The following MYT1L variants were observed in gnomAD, a reference collection of about 807,000 sequenced individuals.
MYT1L encodes the protein myelin transcription factor 1 like, also known as myelin transcription factor 1-like protein.
Under a neutral mutation model 126.7 loss-of-function variants are expected in MYT1L, and 12 were observed. The observed-to-expected ratio is 0.09, with a 90% CI of 0.06 to 0.15. The LOEUF (loss-of-function observed/expected upper bound fraction) is 0.15, where lower values mean the gene tolerates loss of function less well. Among genes scored for constraint, MYT1L ranks in the 10% least tolerant of loss-of-function variants. The pLI is 1.00. For synonymous variants in MYT1L, 541 were observed against 604.2 expected, an observed-to-expected ratio of 0.90 and a Z score of 1.53; for missense variants, 979 against 1,585.2, an observed-to-expected ratio of 0.62 and a Z score of 6.49.
intron 8 of MYT1L, among the ~76,000 whole-genome samples, chr2:1,950,789 T>C (rs1478914152): frequency 6.6e-6 from 1 of 152,142 alleles, no homozygotes; most frequent in East Asian, 1.9e-4. Flanking sequence ...CCGGACAGTG[T>C]AGACAGTGGG....
intron 4 of MYT1L, among the ~76,000 whole-genome samples, chr2:2,027,221 C>T (rs1304650066): frequency 1.3e-5 from 2 of 152,112 alleles, no homozygotes; most frequent in Non-Finnish European, 2.9e-5. Context: ...GGCCAGAAGT[C>T]AGGAGAGCTC....
At chr2:1,946,505 G>A (rs76194252) in intron 8 of MYT1L, among the ~76,000 whole-genome samples, 2,626 of 152,134 alleles carry the variant, frequency 0.017, 52 homozygotes, top group South Asian at 0.089. Context: ...ACCTTGCTGC[G>A]TGACTCAGGG....
chr2:1,897,779 C>T (rs941545081), intron 14 of MYT1L, among the ~76,000 whole-genome samples: 41 of 152,058 alleles, frequency 2.7e-4, no homozygotes, highest in African/African-American at 8.2e-4. Flanking sequence ...ATTTTTTGAT[C>T]AAATTTTTTT....
chr2:1,792,530 G>A (rs2032321170), intron 23 of MYT1L, 66 bp from the exon 24 acceptor site: 1 of 1,532,802 alleles, frequency 6.5e-7, no homozygotes, highest in Non-Finnish European at 8.9e-7. Flanking sequence ...GTCGTTGCCG[G>A]GGGCCACAGT....
At chr2:1,808,464 C>T (rs899403769) in intron 22 of MYT1L, among the ~76,000 whole-genome samples, 1 of 152,176 alleles carries the variant, frequency 6.6e-6, no homozygotes, top group Non-Finnish European at 1.5e-5. Flanking sequence ...GAGGTGACCT[C>T]GCAAATAGAG....
intron 2 of MYT1L, among the ~76,000 whole-genome samples, chr2:2,211,109 A>G (rs2148902539): frequency 6.6e-6 from 1 of 152,322 alleles, no homozygotes; most frequent in South Asian, 2.1e-4. Flanking sequence ...TATCAGTTCT[A>G]ATAGTTTTTT....
At position 2,244,337 on chromosome 2, in the gene MYT1L, T is replaced by A. The variant is rs576268287; in HGVS notation, c.-421+40067A>T. On this transcript the variant is annotated intron_variant, in intron 2 of 24. Coordinates refer to ENST00000647738, the MANE Select transcript of MYT1L (RefSeq NM_001303052.2). ...CAGTAAACTTTTGCAAGATTCTTGG[T>A]TGATGGACTTATGAGAAGGGAAAAA... Among the ~76,000 whole-genome samples the A allele has an allele frequency of 2.0e-5, 3 of 152,298 alleles. No homozygotes were observed. The South Asian group carries it at 6.2e-4, about 32-fold the overall frequency.
At position 2,243,010 on chromosome 2, in the gene MYT1L, A is replaced by G. The variant is rs371246743; in HGVS notation, c.-421+41394T>C. ...TCTAGGAAGGGTGCAGGGTTCAGGA[A>G]GGTGCCCATGGAATAGGAGGATGGA... On this transcript the variant is annotated intron_variant, in intron 2 of 24. Transcript: ENST00000647738. Among the ~76,000 whole-genome samples, 4 of 152,146 alleles carry G rather than the reference A, an allele frequency of 2.6e-5. No homozygotes were observed. The South Asian group carries it at 8.3e-4, about 32-fold the overall frequency.
chr2:1,990,648 C>T (rs2061383800), intron 5 of MYT1L, among the ~76,000 whole-genome samples: 1 of 152,140 alleles, frequency 6.6e-6, no homozygotes, highest in East Asian at 1.9e-4. Context: ...CACATGTGGG[C>T]AACAGCACCC....
At chr2:2,002,287 G>C (rs765378303) in intron 4 of MYT1L, among the ~76,000 whole-genome samples, 1 of 152,056 alleles carries the variant, frequency 6.6e-6, no homozygotes, top group African/African-American at 2.4e-5. Context: ...TGCTGCTGCC[G>C]AACAGCAGCC....
At chr2:1,871,148 C>G in intron 18 of MYT1L, among the ~76,000 whole-genome samples, 1 of 152,204 alleles carries the variant, frequency 6.6e-6, no homozygotes, top group South Asian at 2.1e-4. Flanking sequence ...CCAGAGTCTG[C>G]TAACACAGAA....
intron 3 of MYT1L, among the ~76,000 whole-genome samples, chr2:2,093,738 C>T (rs6758401): frequency 0.38 from 57,778 of 151,776 alleles, 11,346 homozygotes; most frequent in African/African-American, 0.48. Context: ...CCATTGCTTT[C>T]GGTGTTTTAG....
chr2:2,183,505 C>T (rs994476315), intron 2 of MYT1L, among the ~76,000 whole-genome samples: 1 of 152,106 alleles, frequency 6.6e-6, no homozygotes, highest in Non-Finnish European at 1.5e-5. Context: ...TTCCAGTGCA[C>T]AAAGCTTGCA....
At chr2:1,956,631 C>A (rs959809941) in intron 8 of MYT1L, among the ~76,000 whole-genome samples, 1 of 144,388 alleles carries the variant, frequency 6.9e-6, no homozygotes, top group African/African-American at 2.6e-5. Context: ...TACCTACCTA[C>A]CTATCTAGCT....
intron 14 of MYT1L, 139 bp downstream of exon 14, chr2:1,902,941 T>G (rs1309123478): frequency 8.0e-6 from 6 of 752,086 alleles, no homozygotes; most frequent in Non-Finnish European, 1.3e-5. Flanking sequence ...GCTCCTGGGC[T>G]GTGCTATGAA....
chr2:2,330,203 A>C (rs907487364), intron 1 of MYT1L, among the ~76,000 whole-genome samples: 2 of 152,210 alleles, frequency 1.3e-5, no homozygotes, highest in Non-Finnish European at 1.5e-5. Flanking sequence ...AAAGGCTCTT[A>C]TATAAAATAG....
intron 3 of MYT1L, among the ~76,000 whole-genome samples, chr2:2,076,175 A>G (rs1296240670): frequency 1.3e-5 from 2 of 152,192 alleles, no homozygotes; most frequent in African/African-American, 4.8e-5. Context: ...AATCCTAGAG[A>G]ATATAGACAA....
intron 9 of MYT1L, among the ~76,000 whole-genome samples, chr2:1,931,258 C>T (rs1275673389): frequency 6.6e-6 from 1 of 152,214 alleles, no homozygotes; most frequent in Non-Finnish European, 1.5e-5. Flanking sequence ...GATACCAGTG[C>T]CAGAGAGGAT....
chr2:1,817,659 G>C (rs898381933), intron 21 of MYT1L, among the ~76,000 whole-genome samples: 7 of 152,170 alleles, frequency 4.6e-5, no homozygotes, highest in African/African-American at 4.8e-5. Flanking sequence ...GCGGCCCTGG[G>C]GGGTGGTGGC....
Sources: allele counts gnomAD v4.1 joint callset (sites outside exome capture counted in the v4.1 genomes callset), GRCh38; gene constraint gnomAD v4.1.1; transcripts MANE v1.5; gene names NCBI Gene and HGNC (gene_info 2026-07-23, HGNC 2026-07-21).